The following GPR108 variants were observed in gnomAD, a reference collection of about 807,000 sequenced individuals.
GPR108 encodes the protein G protein-coupled receptor 108.
Under a neutral mutation model 74.3 loss-of-function variants are expected in GPR108, and 60 were observed. That is an observed-to-expected ratio of 0.81 (90% confidence interval 0.66 to 1.00). The LOEUF (loss-of-function observed/expected upper bound fraction) is 1.00. Ranked by LOEUF, GPR108 falls within the 50% of genes least tolerant of loss-of-function variation. The pLI, the probability that GPR108 is intolerant of heterozygous loss-of-function variation, is 0.00. For synonymous variants in GPR108, 311 were observed against 292.4 expected (o/e 1.06, Z -0.65); for missense variants, 667 against 703.3 (o/e 0.95, Z 0.58).
In GPR108 at chr19:6,730,009, C is replaced by T. The variant is rs1599535806; in HGVS notation, c.*303G>A. 2.5e-6 allele frequency: 1 copy of T among 399,050 alleles called. No homozygotes were observed. The highest frequency in any genetic ancestry group is 4.8e-5 in the East Asian group (1 of 20,804). The allele number at this position is 399,050 out of a possible 1,614,324, so 24.7% of individuals were successfully genotyped here. A position where few individuals can be genotyped will look rare whatever the true frequency, so the allele number is the denominator to read the frequency against. On this transcript the variant is annotated 3_prime_UTR_variant, in exon 18 of 18. Transcript: ENST00000264080. ...AAAACAGGTTTCTACATTGTAAACA[C>T]AACCTCCGTGTAGACCCCAACCCCC...
In GPR108 at chr19:6,732,278, G is replaced by C. The variant is rs775328365; in HGVS notation, c.1110C>G (p.Ile370Met). The C allele has an allele frequency of 2.5e-6, 4 of 1,612,450 alleles. No individual in the cohort carries two copies. In the South Asian group the frequency reaches 3.3e-5, roughly 13 times the overall value. Reference sequence around the variant, plus strand: ...CCATCCGCACCTGCATGGGGATCACGATCCCAAAGACCTTCTTCTCCTTAT... The same window carrying C: ...CCATCCGCACCTGCATGGGGATCACCATCCCAAAGACCTTCTTCTCCTTAT... ...LSDKEKKVFG[I>M]VIPMQVLANV... The change falls in exon 12 of 18, where the codon ATC (isoleucine) becomes ATG (methionine). Residue 370 changes from isoleucine (I) to methionine (M), a missense_variant. Ile to Met is a conservative substitution (Grantham distance 10). Coordinates refer to ENST00000264080, the MANE Select transcript of GPR108 (RefSeq NM_001080452.2).
Position 6,731,288 on chromosome 19 carries a change from G to A in GPR108, c.1351-6C>T, listed in dbSNP as rs1342655088. On this transcript the variant is annotated splice_polypyrimidine_tract_variant and splice_region_variant and intron_variant, in intron 15 of 17. Transcript: ENST00000264080. ...AAGTAGACGTAGCAGATGACCTGCA[G>A]GGGCGCGAGCAGGCGTGGGGCCAGG... The A allele has an allele frequency of 1.3e-6, 2 of 1,546,202 alleles. No homozygotes were observed. Among genetic ancestry groups the A allele is most frequent in the Non-Finnish European group, 1.7e-6 (2 of 1,143,366 alleles).
chr19:6,730,574 C>G, intron 17 of GPR108, 190 bp from the exon 18 acceptor site: 1 of 604,546 alleles, frequency 1.7e-6, no homozygotes, highest in Non-Finnish European at 3.0e-6. Flanking sequence ...CCCTTCTACT[C>G]CAACCACCTA....
At position 6,730,056 on chromosome 19, in the gene GPR108, A is replaced by G. The variant is rs1319174852; in HGVS notation, c.*256T>C. On this transcript the variant is annotated 3_prime_UTR_variant, in exon 18 of 18. Transcript: ENST00000264080. ...CCCCAAAAAGGCAAGACAACGGCGT[A>G]GCCAAACAGATTGGTCATTATTGTA... The G allele has an allele frequency of 5.8e-6, 3 of 519,512 alleles. No homozygotes were observed. In the Admixed American group the frequency reaches 1.0e-4, roughly 17 times the overall value. The allele number at this position is 519,512 out of a possible 1,614,324, so 32.2% of individuals were successfully genotyped here. A position where few individuals can be genotyped will look rare whatever the true frequency, so the allele number is the denominator to read the frequency against.
intron 1 of GPR108, 41 bp downstream of exon 1, chr19:6,737,416 G>C (rs540322963): frequency 1.3e-6 from 2 of 1,572,196 alleles, no homozygotes; most frequent in Non-Finnish European, 1.7e-6. Flanking sequence ...CCGAGACAAA[G>C]TTGCGCCACC....
At chr19:6,735,084 G>T (rs78961364) in intron 4 of GPR108, among the ~76,000 whole-genome samples, 1,990 of 152,106 alleles carry the variant, frequency 0.013, 34 homozygotes, top group East Asian at 0.064. Flanking sequence ...TAAAGACAAG[G>T]TTTTGCCATG....
Position 6,731,051 on chromosome 19 carries a change from T to C in GPR108, c.1495A>G (p.Thr499Ala). 6.2e-7 allele frequency: 1 copy of C among 1,613,688 alleles called. No individual in the cohort carries two copies. The highest frequency in any genetic ancestry group is 1.1e-5 in the South Asian group (1 of 91,082). Residue 499 changes from threonine to alanine, a missense_variant, in exon 17 of 18, where the codon ACA (threonine) becomes GCA (alanine). Thr to Ala is a moderately conservative substitution (Grantham distance 58). Transcript: ENST00000264080. ...FVLTGYKFQP[T>A]GNNPYLQLPQ... ...AGCTGCAGGTACGGGTTGTTTCCTG[T>C]GGGCTGGAACTTGTAGCCCGTGAGC...
chr19:6,732,207 C>T, intron 12 of GPR108, 52 bp from the exon 13 acceptor site: 1 of 1,612,238 alleles, frequency 6.2e-7, no homozygotes, highest in Non-Finnish European at 8.5e-7. Context: ...TCCCCTTTGC[C>T]CCCACTGCCC....
intron 14 of GPR108, 87 bp downstream of exon 14, chr19:6,731,804 G>A (rs1350759775): frequency 8.1e-6 from 12 of 1,474,782 alleles, no homozygotes; most frequent in Non-Finnish European, 1.1e-5. Context: ...GGGCAGAGAG[G>A]CCAGGAGGGG....
chr19:6,730,671 C>T, intron 17 of GPR108: 1 of 567,220 alleles, frequency 1.8e-6, no homozygotes, highest in South Asian at 2.0e-5. Flanking sequence ...CAGCCCAGGC[C>T]CCACCCGTTC....
At chr19:6,736,758 T>C (rs1857390236) in intron 1 of GPR108, 47 bp from the exon 2 acceptor site, 1 of 1,612,496 alleles carries the variant, frequency 6.2e-7, no homozygotes, top group Non-Finnish European at 8.5e-7. Context: ...TCTTTCCGCC[T>C]GCCCAGCCCC....
intron 10 of GPR108, 136 bp from the exon 11 acceptor site, chr19:6,732,685 G>A (rs1281898733): frequency 6.7e-6 from 5 of 743,732 alleles, no homozygotes; most frequent in South Asian, 1.5e-5. Flanking sequence ...ACGGTGGGTG[G>A]GACTCAAAAC....
At chr19:6,734,143 C>T (rs371144229) in intron 5 of GPR108, 40 bp downstream of exon 5, 2 of 1,614,052 alleles carry the variant, frequency 1.2e-6, no homozygotes, top group South Asian at 1.1e-5. Flanking sequence ...AAGGGCAGAC[C>T]TGCCCATCCA....
chr19:6,736,034 G>T (rs1227590121), intron 2 of GPR108, 76 bp from the exon 3 acceptor site: 1 of 1,317,430 alleles, frequency 7.6e-7, no homozygotes, highest in Admixed American at 2.1e-5. Context: ...AGTAGCAATA[G>T]AAACCTAACC....
At position 6,732,981 on chromosome 19, in the gene GPR108, T is replaced by C; in HGVS notation, c.933+6A>G. ...CCCCCGCTGCTCCCCGGTCCAAGGC[T>C]CTCACGCTGTGGAAGAGGAGAGAGA... On this transcript the variant is annotated splice_donor_region_variant and intron_variant, in intron 10 of 17. Transcript: ENST00000264080. The C allele has an allele frequency of 6.3e-7, 1 of 1,585,054 alleles. No individual in the cohort carries two copies. The highest frequency in any genetic ancestry group is 8.6e-7 in the Non-Finnish European group (1 of 1,166,368).
chr19:6,734,105 G>A (rs1267621584), intron 5 of GPR108, 51 bp from the exon 6 acceptor site: 4 of 1,614,126 alleles, frequency 2.5e-6, no homozygotes, highest in Non-Finnish European at 3.4e-6. Flanking sequence ...GGATAGAGGG[G>A]CAGTGGGAAA....
In GPR108 at chr19:6,731,876, G is replaced by GGC. The variant is rs748939866; in HGVS notation, c.1300+13_1300+14dup. 5.2e-5 allele frequency: 84 copies of GGC among 1,611,276 alleles called. No homozygotes were observed. Among genetic ancestry groups the GGC allele is most frequent in the Admixed American group, 1.7e-4 (10 of 59,668 alleles). ...TGGGGCCATGAGCAGAGGGCCTGCA[G>GGC]GCGCAGGGCCTCACCCTTCCCGTCT... is the stretch of plus-strand genomic sequence containing the variant. On this transcript the variant is annotated intron_variant, in intron 14 of 17. Coordinates refer to ENST00000264080, the MANE Select transcript of GPR108 (RefSeq NM_001080452.2).
intron 13 of GPR108, 36 bp from the exon 14 acceptor site, chr19:6,731,970 C>A (rs576920512): frequency 1.2e-6 from 2 of 1,613,254 alleles, no homozygotes; most frequent in African/African-American, 1.3e-5. Flanking sequence ...ACGGTCAGCG[C>A]GGACATCGCC....
At position 6,731,128 on chromosome 19, in the gene GPR108, A is replaced by C; in HGVS notation, c.1435-17T>G. On this transcript the variant is annotated splice_polypyrimidine_tract_variant and intron_variant, in intron 16 of 17. Coordinates refer to ENST00000264080, the MANE Select transcript of GPR108 (RefSeq NM_001080452.2). Reference sequence around the variant, plus strand: ...CACCAAGAGCTGGGGGACGGGGCGGAGTGGGGGCGTCAGGCGCACCCCCAC... The same window carrying C: ...CACCAAGAGCTGGGGGACGGGGCGGCGTGGGGGCGTCAGGCGCACCCCCAC... The C allele has an allele frequency of 3.7e-6, 6 of 1,612,240 alleles. No homozygotes were observed. The highest frequency in any genetic ancestry group is 5.1e-6 in the Non-Finnish European group (6 of 1,179,444).
Sources: allele counts gnomAD v4.1 joint callset (sites outside exome capture counted in the v4.1 genomes callset), GRCh38; gene constraint gnomAD v4.1.1; transcripts MANE v1.5; gene names NCBI Gene and HGNC (gene_info 2026-07-23, HGNC 2026-07-21).